The following PDZRN3 variants were observed in gnomAD, a reference collection of about 807,000 sequenced individuals.
PDZRN3 encodes E3 ubiquitin-protein ligase PDZRN3.
PDZRN3 carries 38 observed loss-of-function variants against 85.7 expected under a neutral mutation model. The observed-to-expected ratio is 0.44, with a 90% CI of 0.34 to 0.58. PDZRN3 has a LOEUF of 0.58. Among genes scored for constraint, PDZRN3 ranks in the 20% least tolerant of loss-of-function variants. The pLI, the probability that PDZRN3 is intolerant of heterozygous loss-of-function variation, is 0.01. For synonymous variants in PDZRN3, 759 were observed against 638.0 expected, an observed-to-expected ratio of 1.19 and a Z score of -2.86; for missense variants, 1,629 against 1,506.4, an observed-to-expected ratio of 1.08 and a Z score of -1.35.
Position 73,609,414 on chromosome 3 carries a change from G to A in PDZRN3, c.724-730C>T, listed in dbSNP as rs146983749. On this transcript the variant is annotated intron_variant, in intron 1 of 9. Coordinates refer to ENST00000263666, the MANE Select transcript of PDZRN3 (RefSeq NM_015009.3). ...ACAGTCAAAGGCAACAGAGATGCCA[G>A]GGAGAGTGTTCTCAACTAACACTCT... is the stretch of plus-strand genomic sequence containing the variant. Among the ~76,000 whole-genome samples the A allele has an allele frequency of 9.2e-5, 14 of 152,280 alleles. No individual in the cohort carries two copies. The East Asian group carries it at 2.7e-3, about 29-fold the overall frequency.
At chr3:73,390,447 A>G (rs950203469) in intron 6 of PDZRN3, among the ~76,000 whole-genome samples, 6 of 152,152 alleles carry the variant, frequency 3.9e-5, no homozygotes, top group African/African-American at 1.4e-4. Flanking sequence ...ATTTCCTGAC[A>G]AAATTGGGTT....
chr3:73,405,295 T>C (rs539375408), intron 3 of PDZRN3, among the ~76,000 whole-genome samples: 1 of 152,164 alleles, frequency 6.6e-6, no homozygotes, highest in East Asian at 1.9e-4. Context: ...TAAGATGAAA[T>C]AGAAATCAGA....
At chr3:73,605,385 T>C (rs956494712) in intron 2 of PDZRN3, among the ~76,000 whole-genome samples, 10 of 152,204 alleles carry the variant, frequency 6.6e-5, no homozygotes, top group African/African-American at 2.4e-4. Context: ...ATTGTTTTCA[T>C]AGCAAGGGTA....
At chr3:73,423,728 T>C (rs1414662274) in intron 3 of PDZRN3, among the ~76,000 whole-genome samples, 1 of 152,242 alleles carries the variant, frequency 6.6e-6, no homozygotes, top group Admixed American at 6.5e-5. Flanking sequence ...TAAAGATGTT[T>C]ACAGCCAGCC....
chr3:73,469,566 GGGTCA>G (rs1305596311), intron 3 of PDZRN3, among the ~76,000 whole-genome samples: 4 of 152,144 alleles, frequency 2.6e-5, no homozygotes, highest in African/African-American at 9.7e-5. Context: ...GTTCATGTAG[GGGTCA>G]GCCCAAAAGC....
intron 3 of PDZRN3, among the ~76,000 whole-genome samples, chr3:73,601,212 T>C (rs1448518567): frequency 6.6e-6 from 1 of 152,200 alleles, no homozygotes; most frequent in Admixed American, 6.5e-5. Flanking sequence ...TTGTTCTCTG[T>C]CTTGCTGAGG....
intron 3 of PDZRN3, among the ~76,000 whole-genome samples, chr3:73,494,469 A>C (rs1703830793): frequency 6.6e-6 from 1 of 152,228 alleles, no homozygotes; most frequent in Non-Finnish European, 1.5e-5. Context: ...AATAAAATCT[A>C]CATCTGCCTT....
intron 3 of PDZRN3, among the ~76,000 whole-genome samples, chr3:73,499,517 G>T (rs75825646): frequency 0.018 from 2,759 of 152,248 alleles, 90 homozygotes; most frequent in African/African-American, 0.063. Flanking sequence ...GCTACTATTC[G>T]TGTAAGGCTC....
chr3:73,515,971 T>C (rs1704249525), intron 3 of PDZRN3, among the ~76,000 whole-genome samples: 1 of 152,246 alleles, frequency 6.6e-6, no homozygotes, highest in Admixed American at 6.5e-5. Context: ...AGTATAGAGA[T>C]CTCATTTTAA....
chr3:73,587,345 T>C (rs1702292630), intron 3 of PDZRN3, among the ~76,000 whole-genome samples: 1 of 152,204 alleles, frequency 6.6e-6, no homozygotes, highest in African/African-American at 2.4e-5. Flanking sequence ...ACATATAAAA[T>C]GTATTTCTTA....
rs192078434 is a variant in PDZRN3 at position 73,504,340 on chromosome 3, T to G, written c.918+98014A>C. On this transcript the variant is annotated intron_variant, in intron 3 of 9. Transcript: ENST00000263666. ...TCTCTTGGACACATAAAGGCGCCATTCAGGAAGAATAGATTTGTTTTTACT... is the reference window on the plus strand; with the variant it reads ...TCTCTTGGACACATAAAGGCGCCATGCAGGAAGAATAGATTTGTTTTTACT... 1.9e-3 allele frequency among the ~76,000 whole-genome samples: 286 copies of G among 152,280 alleles called. 4 individuals are homozygous for G. Among genetic ancestry groups the G allele is most frequent in the Non-Finnish European group, 3.1e-4 (21 of 68,022 alleles).
At chr3:73,623,720 C>T (rs973322821) in intron 1 of PDZRN3, 2 of 174,962 alleles carry the variant, frequency 1.1e-5, no homozygotes, top group East Asian at 1.5e-4. Flanking sequence ...AGGTTTCTGA[C>T]CTCTAGAGGG....
At chr3:73,404,649 C>T (rs578251246) in intron 3 of PDZRN3, 31 of 425,716 alleles carry the variant, frequency 7.3e-5, no homozygotes, top group African/African-American at 6.1e-4. Context: ...CGTGGAATGT[C>T]TTTAACACAA....
At chr3:73,408,959 G>A (rs9819789) in intron 3 of PDZRN3, among the ~76,000 whole-genome samples, 3,742 of 152,074 alleles carry the variant, frequency 0.025, 166 homozygotes, top group African/African-American at 0.085. Flanking sequence ...CGTTTGGCCC[G>A]GTCAAATTCA....
At chr3:73,385,882 T>C (rs1701370658) in intron 8 of PDZRN3, 97 bp from the exon 9 acceptor site, 1 of 746,776 alleles carries the variant, frequency 1.3e-6, no homozygotes, top group Non-Finnish European at 2.4e-6. Flanking sequence ...AAAATATTTC[T>C]AGGGCTTCCT....
rs369839974 is a variant in PDZRN3, at chr3:73,609,813, C to T, written c.724-1129G>A. On this transcript the variant is annotated intron_variant, in intron 1 of 9. Coordinates refer to ENST00000263666, the MANE Select transcript of PDZRN3 (RefSeq NM_015009.3). ...TGGCCACATTGGAAAGGCATGAATG[C>T]AACTCTCTGACTCAACCACACTGGC... Among the ~76,000 whole-genome samples the T allele has an allele frequency of 3.5e-4, 53 of 152,338 alleles. No individual in the cohort carries two copies. In the South Asian group the frequency reaches 0.011, roughly 30 times the overall value.
Position 73,572,053 on chromosome 3 carries a change from G to T in PDZRN3, c.918+30301C>A, listed in dbSNP as rs150719667. On this transcript the variant is annotated intron_variant, in intron 3 of 9. Transcript: ENST00000263666. ...AAATGTTGATTCAGTGCAAAAAAAG[G>T]TCTTAAAAATCATTTCATTTGGTAC... is the stretch of plus-strand genomic sequence containing the variant. 1.6e-4 allele frequency among the ~76,000 whole-genome samples: 24 copies of T among 152,286 alleles called. No homozygotes were observed. In the East Asian group the frequency reaches 4.6e-3, roughly 29 times the overall value.
intron 3 of PDZRN3, among the ~76,000 whole-genome samples, chr3:73,555,725 C>T (rs1701678937): frequency 6.6e-6 from 1 of 152,118 alleles, no homozygotes; most frequent in Non-Finnish European, 1.5e-5. Context: ...GATCGAAGTT[C>T]AGGATTTGAA....
At chr3:73,560,343 G>C (rs968651861) in intron 3 of PDZRN3, among the ~76,000 whole-genome samples, 1 of 152,188 alleles carries the variant, frequency 6.6e-6, no homozygotes, top group Non-Finnish European at 1.5e-5. Context: ...AGGAAAGAGA[G>C]AGTGAGCGGA....
Sources: allele counts gnomAD v4.1 joint callset (sites outside exome capture counted in the v4.1 genomes callset), GRCh38; gene constraint gnomAD v4.1.1; transcripts MANE v1.5; gene names NCBI Gene and HGNC (gene_info 2026-07-23, HGNC 2026-07-21).